Variants in KIAA1328 observed in about 807,000 individuals in gnomAD.
KIAA1328 encodes protein hinderin.
A neutral mutation model predicts 68.1 loss-of-function variants in KIAA1328; 52 were observed. The observed-to-expected ratio is 0.76, with a 90% CI of 0.61 to 0.96. The LOEUF is 0.96. Among genes scored for constraint, KIAA1328 ranks in the 40% least tolerant of loss-of-function variants. KIAA1328 has a pLI of 0.00. For missense variants in KIAA1328, 641 were observed against 677.6 expected (o/e 0.95, Z 0.60); for synonymous variants, 232 against 239.4 (o/e 0.97, Z 0.28).
At chr18:37,131,683 A>T (rs2058525359) in intron 7 of KIAA1328, among the ~76,000 whole-genome samples, 1 of 152,216 alleles carries the variant, frequency 6.6e-6, no homozygotes, top group Non-Finnish European at 1.5e-5. Context: ...ACTATGGTTC[A>T]TTTGGCAACT....
chr18:36,859,755 G>T, intron 4 of KIAA1328, among the ~76,000 whole-genome samples: 1 of 150,402 alleles, frequency 6.6e-6, no homozygotes, highest in Non-Finnish European at 1.5e-5. Flanking sequence ...CTGCCTTCTT[G>T]TATTTTTTGC....
intron 6 of KIAA1328, among the ~76,000 whole-genome samples, chr18:37,008,759 G>T (rs2053871694): frequency 6.6e-6 from 1 of 152,108 alleles, no homozygotes; most frequent in African/African-American, 2.4e-5. Context: ...TACCCATAAT[G>T]AAAAAATTCA....
In KIAA1328 at chr18:37,153,138, G is replaced by A. The variant is rs569338342; in HGVS notation, c.1233-7062G>A. ...ACACTTGGTCCGACCAATCTTTTGG[G>A]CCTTATGTAAGTCAGACACTGCCTC... On this transcript the variant is annotated intron_variant, in intron 7 of 9. Transcript: ENST00000280020. Among the ~76,000 whole-genome samples the A allele has an allele frequency of 2.0e-5, 3 of 152,250 alleles. No individual in the cohort carries two copies. In the East Asian group the frequency reaches 5.8e-4, roughly 29 times the overall value.
chr18:37,047,585 A>G (rs866480653), intron 6 of KIAA1328, among the ~76,000 whole-genome samples: 4 of 152,106 alleles, frequency 2.6e-5, no homozygotes, highest in Non-Finnish European at 5.9e-5. Context: ...GAAATGTCCT[A>G]CACCTCACAC....
chr18:37,137,813 T>C (rs889273501), intron 7 of KIAA1328, among the ~76,000 whole-genome samples: 4 of 152,218 alleles, frequency 2.6e-5, no homozygotes, highest in African/African-American at 9.6e-5. Context: ...ATCATATCTC[T>C]ATGCCAGTAA....
At chr18:37,024,531 C>T (rs769844922) in intron 6 of KIAA1328, among the ~76,000 whole-genome samples, 1 of 138,534 alleles carries the variant, frequency 7.2e-6, no homozygotes, top group Non-Finnish European at 1.6e-5. Flanking sequence ...TTGCCCCTCC[C>T]CCCACCCCAC....
At chr18:37,103,803 T>TAC (rs60337954) in intron 7 of KIAA1328, among the ~76,000 whole-genome samples, 17,236 of 145,642 alleles carry the variant, frequency 0.12, 1,107 homozygotes, top group Admixed American at 0.17. Flanking sequence ...CAATAGCAAA[T>TAC]ACACACACAC....
In KIAA1328 at chr18:37,224,293, T is replaced by A; in HGVS notation, c.*2066T>A. On this transcript the variant is annotated 3_prime_UTR_variant, in exon 10 of 10. Transcript: ENST00000280020. ...TTTCTTGAAGAAGCTTGTTTGCCTT[T>A]AGAAGAATCGTAAACAGAGTCTAAA... 2 of 985,414 alleles carry A rather than the reference T, an allele frequency of 2.0e-6. No individual in the cohort carries two copies. Among genetic ancestry groups the A allele is most frequent in the Non-Finnish European group, 2.4e-6 (2 of 829,930 alleles). 61.0% of individuals were successfully genotyped at this position (985,414 alleles called of 1,614,324 possible).
chr18:37,084,248 C>A, intron 7 of KIAA1328: 2 of 1,399,584 alleles, frequency 1.4e-6, no homozygotes, highest in South Asian at 1.4e-5. Context: ...CCTGAAGTCT[C>A]AGTTAAAACA....
intron 9 of KIAA1328, among the ~76,000 whole-genome samples, chr18:37,187,328 G>A (rs779431747): frequency 7.9e-5 from 12 of 152,232 alleles, no homozygotes; most frequent in Non-Finnish European, 1.5e-4. Flanking sequence ...AGATTCTGAG[G>A]TGCGTTGGGA....
intron 4 of KIAA1328, among the ~76,000 whole-genome samples, chr18:36,855,801 A>G (rs1012631935): frequency 6.6e-6 from 1 of 151,658 alleles, no homozygotes; most frequent in Non-Finnish European, 1.5e-5. Flanking sequence ...TTATTTAACT[A>G]TTATATTTTA....
At chr18:37,206,598 C>G (rs1026640498) in intron 9 of KIAA1328, among the ~76,000 whole-genome samples, 2 of 152,084 alleles carry the variant, frequency 1.3e-5, no homozygotes, top group African/African-American at 4.8e-5. Flanking sequence ...AAAGAGGCAC[C>G]TATCTTTTCT....
At chr18:37,068,293 TG>T (rs1240044154) in intron 7 of KIAA1328, among the ~76,000 whole-genome samples, 2 of 152,190 alleles carry the variant, frequency 1.3e-5, no homozygotes, top group Non-Finnish European at 2.9e-5. Flanking sequence ...ATATAACAAG[TG>T]ATGGGAGTCT....
At chr18:37,077,074 A>G (rs2056765810) in intron 7 of KIAA1328, among the ~76,000 whole-genome samples, 1 of 151,870 alleles carries the variant, frequency 6.6e-6, no homozygotes, top group South Asian at 2.1e-4. Flanking sequence ...ACATTGCTGC[A>G]AAAATCCTCA....
At chr18:37,013,888 A>G (rs769455050) in intron 6 of KIAA1328, among the ~76,000 whole-genome samples, 1 of 152,206 alleles carries the variant, frequency 6.6e-6, no homozygotes, top group Non-Finnish European at 1.5e-5. Flanking sequence ...GTTGAATGGC[A>G]GTTCTGTTTT....
chr18:37,016,851 C>T (rs2054170333), intron 6 of KIAA1328, among the ~76,000 whole-genome samples: 1 of 152,096 alleles, frequency 6.6e-6, no homozygotes, highest in African/African-American at 2.4e-5. Flanking sequence ...CTTGGATCTT[C>T]TCTCTTCTTT....
At chr18:37,141,585 A>G (rs2058765639) in intron 7 of KIAA1328, among the ~76,000 whole-genome samples, 1 of 152,200 alleles carries the variant, frequency 6.6e-6, no homozygotes, top group South Asian at 2.1e-4. Flanking sequence ...TTTAGTGGAC[A>G]TGTTTTCTTT....
At chr18:36,830,102 A>G (rs2046416688) in intron 1 of KIAA1328, among the ~76,000 whole-genome samples, 1 of 152,176 alleles carries the variant, frequency 6.6e-6, no homozygotes, top group African/African-American at 2.4e-5. Context: ...TGGTGATGGC[A>G]TTAATTGAGG....
chr18:37,128,839 C>T (rs917251841), intron 7 of KIAA1328, among the ~76,000 whole-genome samples: 7 of 152,000 alleles, frequency 4.6e-5, no homozygotes, highest in Admixed American at 3.3e-4. Flanking sequence ...GGAACAAACA[C>T]GTAATACGTG....
Sources: gnomAD v4.1 joint callset for allele counts (sites outside exome capture counted in the v4.1 genomes callset) on GRCh38, gnomAD v4.1.1 for gene constraint, MANE v1.5 for transcripts, NCBI Gene and HGNC (gene_info 2026-07-23, HGNC 2026-07-21) for gene names.